Variants in ZZZ3 observed in about 807,000 individuals in gnomAD.
The protein encoded by ZZZ3 is ZZ-type zinc finger-containing protein 3.
A neutral mutation model predicts 95.2 loss-of-function variants in ZZZ3; 22 were observed. The ratio of observed to expected loss-of-function variants is 0.23; its 90% CI spans 0.17 to 0.33. The LOEUF is 0.33. ZZZ3 is among the 10% of genes least tolerant of loss of function. The pLI is 1.00. For missense variants in ZZZ3, 885 were observed against 1,066.5 expected, an observed-to-expected ratio of 0.83 and a Z score of 2.37; for synonymous variants, 335 against 358.9, an observed-to-expected ratio of 0.93 and a Z score of 0.75.
intron 1 of ZZZ3, among the ~76,000 whole-genome samples, chr1:77,642,796 T>C (rs1478854535): frequency 6.6e-6 from 1 of 152,106 alleles, no homozygotes; most frequent in African/African-American, 2.4e-5. Flanking sequence ...ACCTTACACA[T>C]GCTTTCTGGA....
chr1:77,572,246 A>G (rs1661459687), intron 12 of ZZZ3, among the ~76,000 whole-genome samples: 1 of 152,250 alleles, frequency 6.6e-6, no homozygotes, highest in South Asian at 2.1e-4. Context: ...AATTACATCA[A>G]ATCTAATCCA....
intron 1 of ZZZ3, among the ~76,000 whole-genome samples, chr1:77,664,146 C>A (rs1671060063): frequency 6.6e-6 from 1 of 151,774 alleles, no homozygotes; most frequent in Non-Finnish European, 1.5e-5. Context: ...CCAGCTCAGG[C>A]CATCATCATT....
At chr1:77,654,152 C>A (rs113508457) in intron 1 of ZZZ3, among the ~76,000 whole-genome samples, 2 of 139,926 alleles carry the variant, frequency 1.4e-5, no homozygotes, top group Non-Finnish European at 3.0e-5. Context: ...GGCGCCACTG[C>A]ACTCCAGCCT....
intron 1 of ZZZ3, among the ~76,000 whole-genome samples, chr1:77,661,327 C>G (rs1271882469): frequency 6.6e-6 from 1 of 152,100 alleles, no homozygotes; most frequent in Non-Finnish European, 1.5e-5. Context: ...GCAGGAGAAT[C>G]GCTTGAGCCC....
At chr1:77,573,608 A>T (rs982243103) in intron 12 of ZZZ3, among the ~76,000 whole-genome samples, 2 of 152,240 alleles carry the variant, frequency 1.3e-5, no homozygotes, top group Non-Finnish European at 2.9e-5. Flanking sequence ...TAATAATCAC[A>T]AAGTATGAAA....
chr1:77,565,374 T>C lies in ZZZ3; in HGVS notation c.*266A>G, dbSNP rs1053451381. On this transcript the variant is annotated 3_prime_UTR_variant, in exon 15 of 15. Transcript: ENST00000370801. ...CTCTTTAATGTGTGCTCTCGTTCCA[T>C]CTCACCCATTTAAGATCACCACCTA... 2.5e-5 allele frequency: 9 copies of C among 357,302 alleles called. No homozygotes were observed. Among genetic ancestry groups the C allele is most frequent in the Non-Finnish European group, 4.0e-5 (8 of 200,020 alleles). The allele number at this position is 357,302 out of a possible 1,614,324, so 22.1% of individuals were successfully genotyped here.
chr1:77,681,775 C>T lies in ZZZ3; in HGVS notation c.-403+810G>A, dbSNP rs138973067. On this transcript the variant is annotated intron_variant, in intron 1 of 14. Transcript: ENST00000370801. The stretch of plus-strand genomic sequence containing the variant: ...GGCGTGGTGAAGCGCGACTGTAATC[C>T]CAGCTACTCGATACTCGAGAGGCTG... 4.2e-4 allele frequency among the ~76,000 whole-genome samples: 64 copies of T among 151,972 alleles called. No homozygotes were observed. In the East Asian group the frequency reaches 0.011, roughly 26 times the overall value.
At chr1:77,604,675 A>T (rs1665058292) in intron 5 of ZZZ3, among the ~76,000 whole-genome samples, 1 of 152,216 alleles carries the variant, frequency 6.6e-6, no homozygotes, top group South Asian at 2.1e-4. Context: ...ATTAAGGCTT[A>T]CCACACCTCA....
intron 5 of ZZZ3, among the ~76,000 whole-genome samples, chr1:77,606,938 TCTA>T (rs1450408906): frequency 6.6e-6 from 1 of 152,146 alleles, no homozygotes; most frequent in Non-Finnish European, 1.5e-5. Context: ...TGTCCAAGCA[TCTA>T]CTACAAGCAT....
rs1475279469 is a variant in ZZZ3, at chr1:77,579,603, T to C, written c.2006A>G (p.Lys669Arg). ...EQKKLEQLLI[K>R]YPPEEVESRR... ...AGATTCTACTTCTTCAGGAGGGTAT[T>C]TGATGAGTAGCTGTTCCAGCTTTTT... The change falls in exon 10 of 15, where the codon AAA becomes AGA. Residue 669 changes from lysine to arginine, a missense_variant. Lys to Arg is a conservative substitution (Grantham distance 26). Around this residue, in one of 5 missense-constraint regions of ZZZ3, gnomAD observed 99 missense variants for 119.8 expected, o/e 0.83. Coordinates refer to ENST00000370801, the MANE Select transcript of ZZZ3 (RefSeq NM_015534.6). 6.3e-7 allele frequency: 1 copy of C among 1,584,082 alleles called. No individual in the cohort carries two copies. Among genetic ancestry groups the C allele is most frequent in the Non-Finnish European group, 8.6e-7 (1 of 1,168,738 alleles).
chr1:77,620,870 G>A (rs990120504), intron 5 of ZZZ3, among the ~76,000 whole-genome samples: 1 of 152,118 alleles, frequency 6.6e-6, no homozygotes, highest in Non-Finnish European at 1.5e-5. Context: ...AGGATGCAAA[G>A]GAAGAACAAA....
At chr1:77,678,915 T>A (rs184859607) in intron 1 of ZZZ3, among the ~76,000 whole-genome samples, 7 of 152,324 alleles carry the variant, frequency 4.6e-5, no homozygotes, top group Non-Finnish European at 8.8e-5. Context: ...CTTACAAATA[T>A]ACTGAAGTTC....
intron 5 of ZZZ3, 140 bp downstream of exon 5, chr1:77,631,710 G>A: frequency 1.6e-6 from 1 of 634,098 alleles, no homozygotes; most frequent in East Asian, 2.9e-5. Flanking sequence ...GTTTTTCTAA[G>A]AGTTGAGAAA....
intron 5 of ZZZ3, among the ~76,000 whole-genome samples, chr1:77,622,473 T>C (rs900646786): frequency 6.6e-6 from 1 of 151,778 alleles, no homozygotes; most frequent in East Asian, 1.9e-4. Context: ...ACATTTAAAT[T>C]TATTTAAAAA....
intron 5 of ZZZ3, among the ~76,000 whole-genome samples, chr1:77,590,110 C>T (rs1379714896): frequency 1.3e-5 from 2 of 152,176 alleles, no homozygotes; most frequent in African/African-American, 2.4e-5. Context: ...CAGTGGCTCA[C>T]GCCTGTAATC....
intron 5 of ZZZ3, among the ~76,000 whole-genome samples, chr1:77,602,462 G>A (rs1342271515): frequency 6.6e-6 from 1 of 152,034 alleles, no homozygotes; most frequent in Non-Finnish European, 1.5e-5. Flanking sequence ...GTTGACCACA[G>A]GTAATTACTC....
In ZZZ3 at chr1:77,642,053, A is replaced by G. The variant is rs183930504; in HGVS notation, c.-402-398T>C. Among the ~76,000 whole-genome samples the G allele has an allele frequency of 1.4e-3, 215 of 152,336 alleles. 2 individuals are homozygous for G. The East Asian group carries it at 0.033, about 24-fold the overall frequency. ...TTAGGGAATAAATCTATAATTAAAA[A>G]TGAAGTAAAAAAAAGATAATGACGG... On this transcript the variant is annotated intron_variant, in intron 1 of 14. Coordinates refer to ENST00000370801, the MANE Select transcript of ZZZ3 (RefSeq NM_015534.6).
In ZZZ3 at chr1:77,605,113, C is replaced by G. The variant is rs561729985; in HGVS notation, c.1506-20458G>C. Among the ~76,000 whole-genome samples the G allele has an allele frequency of 3.9e-5, 6 of 152,318 alleles. No homozygotes were observed. The East Asian group carries it at 1.2e-3, about 29-fold the overall frequency. ...CACTCACAGTACTTGGTTTTAACTT[C>G]ATGTTGCTGAAAGAGGCACTGAAGA... On this transcript the variant is annotated intron_variant, in intron 5 of 14. Coordinates refer to ENST00000370801, the MANE Select transcript of ZZZ3 (RefSeq NM_015534.6).
chr1:77,653,528 T>G (rs1669993822), intron 1 of ZZZ3, among the ~76,000 whole-genome samples: 1 of 151,874 alleles, frequency 6.6e-6, no homozygotes, highest in African/African-American at 2.4e-5. Context: ...CTGAGGTGGG[T>G]GGATCACCTG....
Sources: gnomAD v4.1 joint callset for allele counts (sites outside exome capture counted in the v4.1 genomes callset) on GRCh38, gnomAD v4.1.1 for gene constraint, gnomAD v4.1.1 regional missense constraint, MANE v1.5 for transcripts, NCBI Gene and HGNC (gene_info 2026-07-23, HGNC 2026-07-21) for gene names.